Variants in ASMTL observed in about 807,000 individuals in gnomAD.
ASMTL encodes acetylserotonin O-methyltransferase like.
ASMTL carries 57 observed loss-of-function variants against 60.3 expected under a neutral mutation model. That is an observed-to-expected ratio of 0.95 (90% CI 0.76 to 1.18). The LOEUF is 1.18. ASMTL is among the 50% of genes most tolerant of loss of function. The pLI is 0.00. For synonymous variants in ASMTL, 419 were observed against 373.0 expected, an observed-to-expected ratio of 1.12 and a Z score of -1.42; for missense variants, 981 against 852.6, an observed-to-expected ratio of 1.15 and a Z score of -1.88.
At chrX:1,442,895 T>C (rs1465023671) in intron 1 of ASMTL, among the ~76,000 whole-genome samples, 1 of 152,116 alleles carries the variant, frequency 6.6e-6, no homozygotes, top group African/African-American at 2.4e-5. Context: ...GGTAAATGCC[T>C]CCAGTGGGGG....
intron 1 of ASMTL, among the ~76,000 whole-genome samples, chrX:1,448,400 C>A (rs1291228984): frequency 6.7e-6 from 1 of 149,056 alleles, no homozygotes; most frequent in Non-Finnish European, 1.5e-5. Flanking sequence ...GGACACACCG[C>A]CATCTTGGAC....
At chrX:1,428,642 G>A (rs1468360626) in intron 6 of ASMTL, among the ~76,000 whole-genome samples, 107 of 13,904 alleles carry the variant, frequency 7.7e-3, no homozygotes, top group African/African-American at 0.012. Flanking sequence ...GGAAGACTCC[G>A]TCTCAAATAA....
chrX:1,415,096 A>G (rs1300728638), intron 11 of ASMTL, among the ~76,000 whole-genome samples: 2 of 151,876 alleles, frequency 1.3e-5, no homozygotes, highest in East Asian at 3.9e-4. Flanking sequence ...ACCCGCCACC[A>G]TGCCTGGCTA....
At chrX:1,434,192 G>GTGGTGCACACCTGCAGTCCCAGCAATA (rs2090895831) in intron 5 of ASMTL, among the ~76,000 whole-genome samples, 1 of 152,166 alleles carries the variant, frequency 6.6e-6, no homozygotes, top group Non-Finnish European at 1.5e-5. Context: ...GCCGGGCACC[G>GTGGTGCACACCTGCAGTCCCAGCAATA]TGGTGCACAC....
rs766596738 is a variant in ASMTL, at chrX:1,427,816, G to A, written c.815C>T (p.Ala272Val). The A allele has an allele frequency of 1.9e-6, 3 of 1,612,488 alleles. No individual in the cohort carries two copies. The East Asian group carries it at 6.7e-5, about 36-fold the overall frequency. The stretch of plus-strand genomic sequence containing the variant: ...GGTCTCCCGAGTCCTGTGACACTCA[G>A]CCTCTGCCGTGGCCTGTCCCGCCTC... ...AGEAGQATAE[A>V]ECHRTRETLP... Residue 272 changes from alanine to valine, a missense_variant, in exon 7 of 13, where the codon GCT (alanine) becomes GTT (valine). Transcript: ENST00000381317.
At chrX:1,410,599 A>G (rs1259559920) in intron 12 of ASMTL, among the ~76,000 whole-genome samples, 1 of 151,974 alleles carries the variant, frequency 6.6e-6, no homozygotes, top group East Asian at 1.9e-4. Context: ...TTTTTAGTAG[A>G]GGCGGGGTTT....
In ASMTL at chrX:1,416,492, G is replaced by A. The variant is rs1476723988; in HGVS notation, c.1522+1481C>T. Among the ~76,000 whole-genome samples the A allele has an allele frequency of 3.0e-3, 437 of 147,724 alleles. 3 individuals carry two copies. The highest frequency in any genetic ancestry group is 0.01 in the African/African-American group (408 of 39,272). ...ACACACATGGACATACAGATACAGC[G>A]ACAGGCACACACACACGGATGCAGA... On this transcript the variant is annotated intron_variant, in intron 11 of 12. Transcript: ENST00000381317.
At chrX:1,438,433 A>T (rs1459480152) in intron 3 of ASMTL, among the ~76,000 whole-genome samples, 1 of 152,214 alleles carries the variant, frequency 6.6e-6, no homozygotes, top group Non-Finnish European at 1.5e-5. Context: ...AAAGACCAAG[A>T]CCAACTTCTC....
chrX:1,432,622 G>C (rs1362050888), intron 5 of ASMTL, among the ~76,000 whole-genome samples: 1 of 152,188 alleles, frequency 6.6e-6, no homozygotes. Context: ...GAGGTCAGGA[G>C]TTCGAGACCA....
At chrX:1,419,135 A>G in intron 9 of ASMTL, 21 bp from the exon 10 acceptor site, 1 of 1,609,648 alleles carries the variant, frequency 6.2e-7, no homozygotes, top group Non-Finnish European at 8.5e-7. Context: ...GCAGGTGCTT[A>G]GGGGCACCAG....
intron 10 of ASMTL, 121 bp downstream of exon 10, chrX:1,418,861 G>T (rs774222647): frequency 3.9e-6 from 5 of 1,288,188 alleles, no homozygotes; most frequent in Non-Finnish European, 5.4e-6. Context: ...AGCCTGGCCC[G>T]GTTCAGGTCG....
In ASMTL at chrX:1,432,126, T is replaced by C. The variant is rs760695998; in HGVS notation, c.509+143A>G. The C allele has an allele frequency of 2.0e-5, 13 of 663,284 alleles. No individual in the cohort carries two copies. In the South Asian group the frequency reaches 2.2e-4, roughly 11 times the overall value. 41.1% of individuals were successfully genotyped at this position (663,284 alleles called of 1,614,324 possible). A position where few individuals can be genotyped will look rare whatever the true frequency, so the allele number is the denominator to read the frequency against. ...TGTGGTCGTGAAGGGTTTGTGCTTC[T>C]GAGCCGGGCGGCTCTCCCTGTGCCA... On this transcript the variant is annotated intron_variant, in intron 6 of 12. Transcript: ENST00000381317.
Position 1,420,422 on chromosome X carries a change from G to T in ASMTL, c.1245+1236C>A, listed in dbSNP as rs113407309. ...GTCTGTATGTCTCTCCCCAACATCT[G>T]CAGGAAGCCCCCGGCTCCCTGGGGC... On this transcript the variant is annotated intron_variant, in intron 9 of 12. Transcript: ENST00000381317. 7.2e-3 allele frequency among the ~76,000 whole-genome samples: 1,102 copies of T among 152,108 alleles called. 18 individuals are homozygous for T. The highest frequency in any genetic ancestry group is 0.025 in the African/African-American group (1,029 of 41,492).
chrX:1,442,061 TAAGCTGTGCCACC>T lies in ASMTL; in HGVS notation c.225+112_225+124del. The stretch of plus-strand genomic sequence containing the variant: ...CATTACATTATAACATAGCAATAGC[TAAGCTGTGCCACC>T]AACTGCATCTTTTGAATGACGTTTA... On this transcript the variant is annotated intron_variant, in intron 2 of 12. Transcript: ENST00000381317. The T allele has an allele frequency of 2.7e-6, 3 of 1,101,654 alleles. No homozygotes were observed. In the South Asian group the frequency reaches 4.4e-5, roughly 16 times the overall value. The allele number at this position is 1,101,654 out of a possible 1,614,324, so 68.2% of individuals were successfully genotyped here.
chrX:1,416,708 A>G (rs1303852807), intron 11 of ASMTL, among the ~76,000 whole-genome samples: 2 of 150,128 alleles, frequency 1.3e-5, no homozygotes, highest in Non-Finnish European at 3.0e-5. Flanking sequence ...ACACATTCTT[A>G]CGCACGCACA....
chrX:1,431,769 G>A, intron 6 of ASMTL: 1 of 152,238 alleles, frequency 6.6e-6, no homozygotes, highest in Non-Finnish European at 1.5e-5. Context: ...GACATTATAT[G>A]ACATATGATG....
intron 12 of ASMTL, among the ~76,000 whole-genome samples, chrX:1,411,913 G>C (rs1306921615): frequency 7.3e-6 from 1 of 136,922 alleles, no homozygotes; most frequent in Non-Finnish European, 1.5e-5. Context: ...CCAGGTTCAA[G>C]CGATTCTCCT....
intron 12 of ASMTL, among the ~76,000 whole-genome samples, chrX:1,407,389 AATGG>A (rs1460725867): frequency 2.0e-5 from 3 of 148,778 alleles, no homozygotes; most frequent in Non-Finnish European, 4.4e-5. Flanking sequence ...TAGGTAGATG[AATGG>A]ATGGATATAG....
intron 1 of ASMTL, among the ~76,000 whole-genome samples, chrX:1,445,964 C>G (rs764004668): frequency 6.6e-5 from 10 of 152,156 alleles, no homozygotes; most frequent in Middle Eastern, 3.4e-3. Flanking sequence ...TCCTCCACCT[C>G]CTGTGGAGGA....
Sources: allele counts gnomAD v4.1 joint callset (sites outside exome capture counted in the v4.1 genomes callset), GRCh38; gene constraint gnomAD v4.1.1; transcripts MANE v1.5; gene names NCBI Gene and HGNC (gene_info 2026-07-23, HGNC 2026-07-21).